TAFA1: variants seen among roughly 807,000 people sequenced by gnomAD.
The protein encoded by TAFA1 is chemokine-like protein TAFA-1.
TAFA1 carries 4 observed loss-of-function variants against 18.5 expected under a neutral mutation model. The ratio of observed to expected loss-of-function variants is 0.22; its 90% CI spans 0.11 to 0.49. The LOEUF (loss-of-function observed/expected upper bound fraction) is 0.49. Among genes scored for constraint, TAFA1 ranks in the 20% least tolerant of loss-of-function variants. The probability of loss-of-function intolerance (pLI) is 0.98; values close to 1 mark genes in which losing one functional copy is unlikely to be tolerated. For missense variants in TAFA1, 147 were observed against 169.0 expected (o/e 0.87, Z 0.72); for synonymous variants, 56 against 55.2 (o/e 1.01, Z -0.06).
At chr3:68,428,504 G>C (rs1362798254) in intron 3 of TAFA1, among the ~76,000 whole-genome samples, 1 of 151,804 alleles carries the variant, frequency 6.6e-6, no homozygotes, top group African/African-American at 2.4e-5. Context: ...AGAAACCTGG[G>C]TTCCTAGATG....
At chr3:68,033,365 A>G (rs986377386) in intron 2 of TAFA1, among the ~76,000 whole-genome samples, 1 of 152,182 alleles carries the variant, frequency 6.6e-6, no homozygotes, top group South Asian at 2.1e-4. Flanking sequence ...CTACCTCAAA[A>G]AAGTCATTTA....
chr3:68,161,328 A>T (rs2065923178), intron 2 of TAFA1, among the ~76,000 whole-genome samples: 1 of 152,032 alleles, frequency 6.6e-6, no homozygotes, highest in African/African-American at 2.4e-5. Flanking sequence ...CTACCACTGG[A>T]TTTATGTTCT....
chr3:68,319,784 G>A (rs1354664606), intron 2 of TAFA1, among the ~76,000 whole-genome samples: 1 of 152,116 alleles, frequency 6.6e-6, no homozygotes, highest in Non-Finnish European at 1.5e-5. Context: ...CATATTAGAA[G>A]CATTAAATCC....
In TAFA1 at chr3:68,476,188, G is replaced by T. The variant is rs150006465; in HGVS notation, c.259+58768G>T. ...ACAAATAGGATCTAATTAAACTAAA[G>T]AGCTTCTGCACAGCAAAAGAAACTA... On this transcript the variant is annotated intron_variant, in intron 3 of 4. Coordinates refer to ENST00000478136, the MANE Select transcript of TAFA1 (RefSeq NM_213609.4). Among the ~76,000 whole-genome samples, 641 of 152,292 alleles carry T rather than the reference G, an allele frequency of 4.2e-3. 6 individuals carry two copies. Among genetic ancestry groups the T allele is most frequent in the African/African-American group, 0.015 (609 of 41,560 alleles).
chr3:68,519,620 CA>C (rs750554524), intron 3 of TAFA1, among the ~76,000 whole-genome samples: 11 of 152,152 alleles, frequency 7.2e-5, no homozygotes, highest in Non-Finnish European at 1.6e-4. Flanking sequence ...ATATTTCTGA[CA>C]GTTCTGGAGT....
chr3:68,092,232 T>C (rs1202099624), intron 2 of TAFA1, among the ~76,000 whole-genome samples: 1 of 147,990 alleles, frequency 6.8e-6, no homozygotes, highest in Non-Finnish European at 1.5e-5. Context: ...AACACACACC[T>C]TTTTTTTTTC....
At chr3:68,186,601 G>A (rs897196536) in intron 2 of TAFA1, among the ~76,000 whole-genome samples, 9 of 151,964 alleles carry the variant, frequency 5.9e-5, no homozygotes, top group African/African-American at 4.8e-5. Flanking sequence ...TGAGAAGAAT[G>A]TTTATCCCAT....
chr3:68,279,885 A>T (rs370807592), intron 2 of TAFA1, among the ~76,000 whole-genome samples: 122 of 152,260 alleles, frequency 8.0e-4, no homozygotes, highest in Non-Finnish European at 1.4e-3. Context: ...GACTTTGGAG[A>T]AATTTCAATT....
rs187569912 is a variant in TAFA1, at chr3:68,224,231, T to A, written c.119-193049T>A. 2.0e-3 allele frequency among the ~76,000 whole-genome samples: 301 copies of A among 152,186 alleles called. 1 individual carries two copies. Among genetic ancestry groups the A allele is most frequent in the African/African-American group, 7.2e-3 (297 of 41,534 alleles). Reference sequence around the variant, plus strand: ...TTTAAGACATCCTTATAAGATAGAATAAGACTAAGAAGAGTACTGACATGC... The same window carrying A: ...TTTAAGACATCCTTATAAGATAGAAAAAGACTAAGAAGAGTACTGACATGC... On this transcript the variant is annotated intron_variant, in intron 2 of 4. Transcript: ENST00000478136.
intron 2 of TAFA1, among the ~76,000 whole-genome samples, chr3:68,221,893 G>A (rs1178271199): frequency 6.6e-6 from 1 of 152,106 alleles, no homozygotes; most frequent in African/African-American, 2.4e-5. Context: ...ATACTTATTT[G>A]TGAAATAGAA....
chr3:68,463,450 CT>C (rs869311252), intron 3 of TAFA1, among the ~76,000 whole-genome samples: 5 of 152,208 alleles, frequency 3.3e-5, no homozygotes, highest in Non-Finnish European at 7.4e-5. Context: ...TTCATTAGCA[CT>C]TTTTTTGACA....
intron 2 of TAFA1, among the ~76,000 whole-genome samples, chr3:68,222,898 C>T (rs2066749311): frequency 6.6e-6 from 1 of 152,080 alleles, no homozygotes; most frequent in African/African-American, 2.4e-5. Context: ...GTCTCGAACT[C>T]CTGACCTCAA....
chr3:68,535,227 A>G (rs767636339), intron 3 of TAFA1, among the ~76,000 whole-genome samples: 31 of 152,202 alleles, frequency 2.0e-4, no homozygotes, highest in Middle Eastern at 3.4e-3. Flanking sequence ...GTTTTACAAT[A>G]TATTTTTGTT....
intron 2 of TAFA1, among the ~76,000 whole-genome samples, chr3:68,370,468 GTGTGTATATATATATATATATATATATA>G (rs1253648232): frequency 1.2e-4 from 2 of 16,616 alleles, no homozygotes; most frequent in Non-Finnish European, 2.0e-4. Flanking sequence ...GTGTGTGTGT[GTGTGTATATATATATATATATATATATA>G]TATATATATA....
intron 2 of TAFA1, among the ~76,000 whole-genome samples, chr3:68,122,136 A>C (rs1413061243): frequency 1.3e-5 from 2 of 152,116 alleles, no homozygotes; most frequent in African/African-American, 4.8e-5. Flanking sequence ...GTCTAACTCA[A>C]GAGTCAAATT....
intron 2 of TAFA1, among the ~76,000 whole-genome samples, chr3:68,136,657 A>G (rs1262968366): frequency 6.6e-6 from 1 of 152,208 alleles, no homozygotes; most frequent in Non-Finnish European, 1.5e-5. Flanking sequence ...TGTGTGTTTG[A>G]GTTCCTAAAT....
intron 3 of TAFA1, among the ~76,000 whole-genome samples, chr3:68,464,621 G>A (rs1366467856): frequency 6.6e-6 from 1 of 152,138 alleles, no homozygotes; most frequent in Non-Finnish European, 1.5e-5. Flanking sequence ...GTCTTGTAGA[G>A]GACAGTCAAA....
At chr3:68,492,600 A>G (rs1192072322) in intron 3 of TAFA1, among the ~76,000 whole-genome samples, 1 of 152,174 alleles carries the variant, frequency 6.6e-6, no homozygotes, top group Non-Finnish European at 1.5e-5. Flanking sequence ...GACTTTATGG[A>G]TGAGTTTTTA....
intron 2 of TAFA1, among the ~76,000 whole-genome samples, chr3:68,399,632 A>G (rs987649898): frequency 1.3e-5 from 2 of 151,876 alleles, no homozygotes; most frequent in East Asian, 3.9e-4. Context: ...TTTCATAATA[A>G]TGGATATATA....
Sources: allele counts gnomAD v4.1 joint callset (sites outside exome capture counted in the v4.1 genomes callset), GRCh38; gene constraint gnomAD v4.1.1; transcripts MANE v1.5; gene names NCBI Gene and HGNC (gene_info 2026-07-23, HGNC 2026-07-21).